CHN2: variants seen among roughly 807,000 people sequenced by gnomAD.
CHN2 encodes chimerin 2.
In CHN2, 35 loss-of-function variants were observed where a neutral mutation model predicts 56.3. The observed-to-expected ratio is 0.62, with a 90% CI of 0.47 to 0.82. The LOEUF is 0.82. Among genes scored for constraint, CHN2 ranks in the 40% least tolerant of loss-of-function variants. CHN2 has a pLI of 0.00. For missense variants in CHN2, 491 were observed against 580.5 expected, an observed-to-expected ratio of 0.85 and a Z score of 1.58; for synonymous variants, 210 against 212.8, an observed-to-expected ratio of 0.99 and a Z score of 0.12.
At chr7:29,304,501 C>G (rs1208686408) in intron 1 of CHN2, among the ~76,000 whole-genome samples, 1 of 152,192 alleles carries the variant, frequency 6.6e-6, no homozygotes, top group African/African-American at 2.4e-5. Context: ...TGCTTTGGAA[C>G]TCTAGCATTT....
chr7:29,421,278 C>G (rs1229831844), intron 6 of CHN2, among the ~76,000 whole-genome samples: 2 of 152,162 alleles, frequency 1.3e-5, no homozygotes, highest in Non-Finnish European at 2.9e-5. Context: ...CGCACTGGGA[C>G]TGTTCAGATC....
At chr7:29,317,722 A>G (rs1014336148) in intron 1 of CHN2, among the ~76,000 whole-genome samples, 4 of 152,186 alleles carry the variant, frequency 2.6e-5, no homozygotes, top group African/African-American at 7.2e-5. Flanking sequence ...CAGGGAACAT[A>G]TAATTGAAGT....
At chr7:29,263,947 G>A (rs960476110) in intron 1 of CHN2, among the ~76,000 whole-genome samples, 4 of 140,084 alleles carry the variant, frequency 2.9e-5, no homozygotes, top group African/African-American at 1.2e-4. Context: ...GCCCCCGCCC[G>A]GCCAGCCGCC....
chr7:29,346,813 T>A (rs12700956), intron 1 of CHN2, among the ~76,000 whole-genome samples: 36,507 of 152,140 alleles, frequency 0.24, 4,862 homozygotes, highest in Non-Finnish European at 0.3. Context: ...GTTGTCACTT[T>A]GCCAAGTGGA....
chr7:29,449,312 TG>T (rs1305639665), intron 6 of CHN2, among the ~76,000 whole-genome samples: 2 of 152,136 alleles, frequency 1.3e-5, no homozygotes, highest in Non-Finnish European at 2.9e-5. Context: ...GCGGTAATAA[TG>T]GAAAGCAAAT....
At chr7:29,372,474 C>T (rs1356160494) in intron 3 of CHN2, among the ~76,000 whole-genome samples, 1 of 152,130 alleles carries the variant, frequency 6.6e-6, no homozygotes, top group Non-Finnish European at 1.5e-5. Context: ...TTGATTGTTG[C>T]TTGTATATGC....
Position 29,273,371 on chromosome 7 carries a change from A to ATATG in CHN2, c.49+78384_49+78385insGTAT, listed in dbSNP as rs1167197865. ...TATATATATATATATATATATATATATATATATATATATATATACACACAC... is the reference window on the plus strand; with the variant it reads ...TATATATATATATATATATATATATATATGTATATATATATATATATACACACAC... On this transcript the variant is annotated intron_variant, in intron 1 of 12. Coordinates refer to ENST00000222792, the MANE Select transcript of CHN2 (RefSeq NM_004067.4). 3.1e-4 allele frequency among the ~76,000 whole-genome samples: 15 copies of ATATG among 48,626 alleles called. No individual in the cohort carries two copies. In the East Asian group the frequency reaches 0.035, roughly 113 times the overall value. 31.9% of individuals were successfully genotyped at this position (48,626 alleles called of 152,430 possible).
chr7:29,150,756 T>C (rs538351178), intron 2 of CHN2, among the ~76,000 whole-genome samples: 2 of 152,322 alleles, frequency 1.3e-5, no homozygotes, highest in South Asian at 4.1e-4. Context: ...TCTATAGCCA[T>C]TGTTCCTTTT....
At chr7:29,192,725 G>A (rs1783052592), upstream of CHN2, 1 of 152,128 alleles carries the variant, frequency 6.6e-6, no homozygotes, top group African/African-American at 2.4e-5. Context: ...TGTGGCAGGT[G>A]TAGAAACTGA....
intron 7 of CHN2, among the ~76,000 whole-genome samples, chr7:29,484,323 T>G (rs1181877788): frequency 6.6e-6 from 1 of 152,252 alleles, no homozygotes; most frequent in African/African-American, 2.4e-5. Flanking sequence ...AAAGCTGTCA[T>G]AACAAATGAC....
At chr7:29,303,786 A>G (rs993000763) in intron 1 of CHN2, among the ~76,000 whole-genome samples, 24 of 152,332 alleles carry the variant, frequency 1.6e-4, no homozygotes, top group East Asian at 5.8e-4. Flanking sequence ...CAGGCCGGGC[A>G]TGGTGGCTCA....
At chr7:29,190,076 G>A (rs1782697671), upstream of CHN2, among the ~76,000 whole-genome samples, 1 of 152,230 alleles carries the variant, frequency 6.6e-6, no homozygotes, top group African/African-American at 2.4e-5. Flanking sequence ...GAAACAGCGG[G>A]TTTCTCAGCT....
At chr7:29,484,640 T>G (rs1439856099) in intron 7 of CHN2, among the ~76,000 whole-genome samples, 1 of 152,218 alleles carries the variant, frequency 6.6e-6, no homozygotes, top group African/African-American at 2.4e-5. Flanking sequence ...CAGTATGATG[T>G]CGTCTTAATT....
At chr7:29,333,295 T>C (rs1265774547) in intron 1 of CHN2, among the ~76,000 whole-genome samples, 1 of 152,152 alleles carries the variant, frequency 6.6e-6, no homozygotes, top group African/African-American at 2.4e-5. Context: ...CACCATACCC[T>C]GACCCGCCCT....
chr7:29,435,928 T>A, intron 6 of CHN2, among the ~76,000 whole-genome samples: 1 of 144,948 alleles, frequency 6.9e-6, no homozygotes, highest in Non-Finnish European at 1.5e-5. Context: ...ATGTTTTGGA[T>A]CATGAGAAGG....
At chr7:29,377,015 T>G (rs980044541) in intron 3 of CHN2, among the ~76,000 whole-genome samples, 2 of 152,068 alleles carry the variant, frequency 1.3e-5, no homozygotes, top group East Asian at 3.8e-4. Flanking sequence ...TTTTTTTGTT[T>G]GCTTGTTTGT....
intron 1 of CHN2, among the ~76,000 whole-genome samples, chr7:29,214,131 C>T (rs991054888): frequency 7.2e-5 from 11 of 152,140 alleles, no homozygotes; most frequent in East Asian, 5.8e-4. Context: ...TGAGTCAATT[C>T]GATCCGATTT....
In CHN2 at chr7:29,177,346, C is replaced by T. The variant is rs540478147; in HGVS notation, c.274+30386C>T. Among the ~76,000 whole-genome samples the T allele has an allele frequency of 1.5e-4, 23 of 152,034 alleles. No individual in the cohort carries two copies. In the South Asian group the frequency reaches 2.5e-3, roughly 17 times the overall value. On this transcript the variant is annotated intron_variant, in intron 2 of 6. Transcript: ENST00000439384. Reference sequence around the variant, plus strand: ...TCTGCTCACTGCAACCTCTGCCTCCCGGGTTCAAGCAATTCTCCTGCCGCA... The same window carrying T: ...TCTGCTCACTGCAACCTCTGCCTCCTGGGTTCAAGCAATTCTCCTGCCGCA...
At chr7:29,157,294 T>G (rs1272534195) in intron 2 of CHN2, among the ~76,000 whole-genome samples, 2 of 151,542 alleles carry the variant, frequency 1.3e-5, no homozygotes, top group Non-Finnish European at 2.9e-5. Context: ...CTGTCAGTAC[T>G]GCATCTTTAA....
Sources: allele counts gnomAD v4.1 joint callset (sites outside exome capture counted in the v4.1 genomes callset), GRCh38; gene constraint gnomAD v4.1.1; transcripts MANE v1.5; gene names NCBI Gene and HGNC (gene_info 2026-07-23, HGNC 2026-07-21).